PSD3: variants seen among roughly 807,000 people sequenced by gnomAD.
PSD3 encodes PH and SEC7 domain-containing protein 3.
A neutral mutation model predicts 105.5 loss-of-function variants in PSD3; 49 were observed. That is an observed-to-expected ratio of 0.46 (90% CI 0.37 to 0.59). The LOEUF is 0.59. PSD3 is among the 20% of genes least tolerant of loss of function. The probability of loss-of-function intolerance (pLI) is 0.00; values close to 1 mark genes in which losing one functional copy is unlikely to be tolerated. For synonymous variants in PSD3, 557 were observed against 457.8 expected (o/e 1.22, Z -2.77); for missense variants, 1,561 against 1,263.8 (o/e 1.24, Z -3.57).
chr8:18,734,976 C>A (rs183286750), intron 9 of PSD3, among the ~76,000 whole-genome samples: 1 of 152,298 alleles, frequency 6.6e-6, no homozygotes, highest in South Asian at 2.1e-4. Context: ...GTCCTCACAT[C>A]AAAGACTGTG....
chr8:19,014,463 T>A (rs1373813564), upstream of PSD3: 1 of 152,234 alleles, frequency 6.6e-6, no homozygotes. The surrounding 1 kb of genome is among the most constrained non-coding windows in gnomAD (Gnocchi z 4.9). Flanking sequence ...CCTTTTTTCC[T>A]CCGTCCTTTG....
intron 9 of PSD3, among the ~76,000 whole-genome samples, chr8:18,687,415 G>C (rs756638616): frequency 1.3e-5 from 2 of 151,948 alleles, no homozygotes; most frequent in Non-Finnish European, 2.9e-5. Flanking sequence ...GCAGTGAGCT[G>C]TGATCATACA....
intron 1 of PSD3, among the ~76,000 whole-genome samples, chr8:18,971,891 G>A (rs1053250019): frequency 1.3e-5 from 2 of 152,080 alleles, no homozygotes; most frequent in Non-Finnish European, 2.9e-5. Context: ...TATAATCCCA[G>A]CTCCTCAGGA....
chr8:19,064,871 C>T (rs1219508699), intron 1 of PSD3, among the ~76,000 whole-genome samples: 4 of 152,174 alleles, frequency 2.6e-5, no homozygotes, highest in African/African-American at 4.8e-5. Flanking sequence ...AAGCAGTGAA[C>T]ATTTACTTCC....
intron 8 of PSD3, 130 bp from the exon 9 acceptor site, chr8:18,765,668 T>C: frequency 2.6e-6 from 2 of 761,554 alleles, no homozygotes; most frequent in Non-Finnish European, 4.4e-6. Context: ...GGCTCACGCC[T>C]GTAACTTCCA....
At position 18,545,141 on chromosome 8, in the gene PSD3, A is replaced by G. The variant is rs765348695; in HGVS notation, c.2929-9183T>C. ...TTACACTGTTTCTCTAGCTCTCAAA[A>G]TTCTTTAAACTCAGTCTGTATAAGT... On this transcript the variant is annotated intron_variant, in intron 15 of 15. Transcript: ENST00000327040. 7.9e-5 allele frequency among the ~76,000 whole-genome samples: 12 copies of G among 152,204 alleles called. 1 individual carries two copies. Among genetic ancestry groups the G allele is most frequent in the Non-Finnish European group, 1.6e-4 (11 of 68,038 alleles).
intron 1 of PSD3, among the ~76,000 whole-genome samples, chr8:19,036,600 T>C (rs1269691292): frequency 6.6e-6 from 1 of 152,116 alleles, no homozygotes; most frequent in Non-Finnish European, 1.5e-5. Flanking sequence ...GTGCTGCAGA[T>C]GGAGTGAATG....
At chr8:18,586,234 G>T (rs567983014) in intron 12 of PSD3, among the ~76,000 whole-genome samples, 1 of 152,282 alleles carries the variant, frequency 6.6e-6, no homozygotes, top group African/African-American at 2.4e-5. Flanking sequence ...TGGGAGTAGT[G>T]AAAGAGGTTG....
chr8:18,784,327 G>C (rs1293332830), intron 8 of PSD3, among the ~76,000 whole-genome samples: 1 of 151,698 alleles, frequency 6.6e-6, no homozygotes, highest in African/African-American at 2.4e-5. Flanking sequence ...TATGTGTTCA[G>C]AAGGAATAAG....
intron 1 of PSD3, among the ~76,000 whole-genome samples, chr8:19,058,555 A>G (rs762318981): frequency 2.7e-4 from 41 of 151,550 alleles, no homozygotes; most frequent in Middle Eastern, 6.9e-3. Flanking sequence ...ATACACACAC[A>G]CAGACACAAG....
At chr8:18,980,699 G>T (rs1447269895) in intron 1 of PSD3, among the ~76,000 whole-genome samples, 1 of 151,822 alleles carries the variant, frequency 6.6e-6, no homozygotes, top group African/African-American at 2.4e-5. Flanking sequence ...GCTATATGCT[G>T]CTTTTGGGCT....
chr8:18,709,375 G>A (rs372356366), intron 9 of PSD3, among the ~76,000 whole-genome samples: 2 of 152,166 alleles, frequency 1.3e-5, no homozygotes, highest in Admixed American at 6.5e-5. Context: ...CGGGAGGGGC[G>A]GCCACTGTCT....
intron 8 of PSD3, among the ~76,000 whole-genome samples, chr8:18,785,146 C>G (rs1018375465): frequency 5.3e-5 from 8 of 152,162 alleles, no homozygotes; most frequent in African/African-American, 4.8e-5. Context: ...TTTCAAGAAC[C>G]AGGAGCAGAG....
intron 8 of PSD3, among the ~76,000 whole-genome samples, chr8:18,765,867 C>G (rs1195115015): frequency 6.6e-6 from 1 of 151,534 alleles, no homozygotes; most frequent in East Asian, 1.9e-4. Flanking sequence ...ACTCGGGAGG[C>G]TGAGGCAGGA....
chr8:18,746,064 T>G (rs956309234), intron 9 of PSD3, among the ~76,000 whole-genome samples: 2 of 152,192 alleles, frequency 1.3e-5, no homozygotes, highest in Middle Eastern at 3.2e-3. Flanking sequence ...AAGTTAAATC[T>G]TTGGACCAAA....
At position 18,889,309 on chromosome 8, in the gene PSD3, G is replaced by A. The variant is rs149528795; in HGVS notation, c.131-16576C>T. Among the ~76,000 whole-genome samples the A allele has an allele frequency of 2.4e-3, 366 of 152,110 alleles. 2 individuals are homozygous for A. Among genetic ancestry groups the A allele is most frequent in the African/African-American group, 7.9e-3 (327 of 41,474 alleles). On this transcript the variant is annotated intron_variant, in intron 2 of 15. Coordinates refer to ENST00000327040, the MANE Select transcript of PSD3 (RefSeq NM_015310.4). ...TATTATCTGTGTTCTTGATACTCCCGTATTTGGGGCCTTGACTGTGGAGAG... is the reference window on the plus strand; with the variant it reads ...TATTATCTGTGTTCTTGATACTCCCATATTTGGGGCCTTGACTGTGGAGAG...
At chr8:18,649,343 T>C (rs767691440) in intron 10 of PSD3, among the ~76,000 whole-genome samples, 5 of 152,182 alleles carry the variant, frequency 3.3e-5, no homozygotes, top group Non-Finnish European at 5.9e-5. Flanking sequence ...AAGCAGGTTA[T>C]TATTGGAGCT....
intron 11 of PSD3, among the ~76,000 whole-genome samples, chr8:18,619,852 T>C (rs1260071214): frequency 6.6e-6 from 1 of 152,198 alleles, no homozygotes; most frequent in South Asian, 2.1e-4. Context: ...TGAACTATTT[T>C]GAAATGACCC....
chr8:18,576,599 G>C (rs2130368815), intron 12 of PSD3, among the ~76,000 whole-genome samples: 1 of 152,130 alleles, frequency 6.6e-6, no homozygotes, highest in South Asian at 2.1e-4. Context: ...TCTCCTTCCA[G>C]GGAAATTTTC....
Sources: allele counts gnomAD v4.1 joint callset (sites outside exome capture counted in the v4.1 genomes callset), GRCh38; gene constraint gnomAD v4.1.1; non-coding constraint Gnocchi (gnomAD v3.1); transcripts MANE v1.5; gene names NCBI Gene and HGNC (gene_info 2026-07-23, HGNC 2026-07-21).